The following PPP1R21 variants were observed in gnomAD, a reference collection of about 807,000 sequenced individuals.
PPP1R21 encodes the protein protein phosphatase 1 regulatory subunit 21.
PPP1R21 carries 85 observed loss-of-function variants against 112.8 expected under a neutral mutation model. The observed-to-expected ratio is 0.75, with a 90% CI of 0.63 to 0.90. The LOEUF is 0.90. Among genes scored for constraint, PPP1R21 ranks in the 40% least tolerant of loss-of-function variants. The pLI, the probability that PPP1R21 is intolerant of heterozygous loss-of-function variation, is 0.00. For missense variants in PPP1R21, 1,199 were observed against 901.5 expected, an observed-to-expected ratio of 1.33 and a Z score of -4.23; for synonymous variants, 381 against 322.3, an observed-to-expected ratio of 1.18 and a Z score of -1.95.
intron 9 of PPP1R21, 59 bp downstream of exon 9, chr2:48,465,701 G>A: frequency 2.0e-6 from 3 of 1,505,644 alleles, no homozygotes; most frequent in Non-Finnish European, 2.7e-6. Context: ...GATATTGTTT[G>A]TTTTTAGACC....
intron 11 of PPP1R21, among the ~76,000 whole-genome samples, chr2:48,472,808 G>A (rs185149699): frequency 1.7e-4 from 26 of 151,748 alleles, no homozygotes; most frequent in Admixed American, 1.4e-3. Flanking sequence ...AAAACTAGCT[G>A]GAGGTGGTGG....
At chr2:48,506,441 C>G (rs1572898371) in intron 18 of PPP1R21, among the ~76,000 whole-genome samples, 1 of 152,168 alleles carries the variant, frequency 6.6e-6, no homozygotes, top group African/African-American at 2.4e-5. Context: ...AGTCATCCAA[C>G]TTACCACTCA....
chr2:48,465,070 C>T, intron 8 of PPP1R21, 81 bp downstream of exon 8: 1 of 1,148,480 alleles, frequency 8.7e-7, no homozygotes. Flanking sequence ...TGTGTTTGGA[C>T]CTCTGTTTAG....
intron 2 of PPP1R21, among the ~76,000 whole-genome samples, chr2:48,454,292 C>T (rs968976740): frequency 2.1e-5 from 3 of 141,992 alleles, no homozygotes; most frequent in Non-Finnish European, 3.2e-5. Flanking sequence ...ATAAATAAAT[C>T]AAATAAGTTT....
At chr2:48,503,314 A>G (rs1024354965) in intron 17 of PPP1R21, among the ~76,000 whole-genome samples, 5 of 152,356 alleles carry the variant, frequency 3.3e-5, no homozygotes, top group South Asian at 2.1e-4. Context: ...ATCTTTTAGC[A>G]TAATGTTAAA....
intron 19 of PPP1R21, among the ~76,000 whole-genome samples, chr2:48,507,992 T>C (rs1670468091): frequency 6.6e-6 from 1 of 151,596 alleles, no homozygotes; most frequent in Admixed American, 6.6e-5. Flanking sequence ...CTTGAACTCC[T>C]GACCTCAGGT....
chr2:48,500,570 A>G (rs1471107257), intron 17 of PPP1R21, among the ~76,000 whole-genome samples: 3 of 152,194 alleles, frequency 2.0e-5, no homozygotes, highest in Admixed American at 6.5e-5. Context: ...AAACCTAAAA[A>G]CAACAACAAC....
chr2:48,472,552 G>C (rs930551872), intron 11 of PPP1R21, among the ~76,000 whole-genome samples: 2 of 152,062 alleles, frequency 1.3e-5, no homozygotes, highest in Admixed American at 1.3e-4. Context: ...CTTGAACCTG[G>C]GAGGCGGAGG....
chr2:48,507,092 T>A, intron 18 of PPP1R21, 177 bp from the exon 19 acceptor site: 2 of 826,704 alleles, frequency 2.4e-6, no homozygotes, highest in Non-Finnish European at 3.3e-6. Context: ...TAAAAGAAAT[T>A]TGGAATATAC....
intron 21 of PPP1R21, among the ~76,000 whole-genome samples, chr2:48,513,970 A>T (rs2103686323): frequency 6.6e-6 from 1 of 152,262 alleles, no homozygotes; most frequent in Middle Eastern, 3.4e-3. Context: ...CTTTTGACAG[A>T]TAATCAGTGC....
chr2:48,480,375 G>A (rs895056268), intron 13 of PPP1R21, among the ~76,000 whole-genome samples: 8 of 152,104 alleles, frequency 5.3e-5, no homozygotes, highest in Non-Finnish European at 1.0e-4. Flanking sequence ...CAAAGGAATT[G>A]AGGAAACCAA....
intron 15 of PPP1R21, among the ~76,000 whole-genome samples, chr2:48,493,851 T>C (rs182284925): frequency 1.3e-5 from 2 of 152,038 alleles, no homozygotes; most frequent in African/African-American, 4.8e-5. Context: ...CAAGTCCTTA[T>C]GGTTTTAGTT....
At chr2:48,484,069 T>C (rs148743918) in intron 13 of PPP1R21, among the ~76,000 whole-genome samples, 28 of 152,328 alleles carry the variant, frequency 1.8e-4, no homozygotes, top group African/African-American at 6.3e-4. Flanking sequence ...ACAAAAATCA[T>C]AGGCTGTGAC....
intron 16 of PPP1R21, among the ~76,000 whole-genome samples, chr2:48,496,178 G>T (rs1190933131): frequency 6.6e-6 from 1 of 152,108 alleles, no homozygotes; most frequent in Non-Finnish European, 1.5e-5. Flanking sequence ...TAGGGAGTGG[G>T]TGGGAGTGGG....
chr2:48,440,935 G>C lies in PPP1R21; in HGVS notation c.-19G>C, dbSNP rs765214550. On this transcript the variant is annotated 5_prime_UTR_variant, in exon 1 of 22. Transcript: ENST00000294952. ...CTGAGCCGCCTGGGCGGCCTGGCCT[G>C]TACGGGGCGGGGGAGGCCATGGCCT... 2 of 1,353,302 alleles carry C rather than the reference G, an allele frequency of 1.5e-6. No individual in the cohort carries two copies. The highest frequency in any genetic ancestry group is 2.1e-6 in the Non-Finnish European group (2 of 972,958). The allele number at this position is 1,353,302 out of a possible 1,614,324, so 83.8% of individuals were successfully genotyped here.
chr2:48,464,764 CT>C (rs1668125859), intron 7 of PPP1R21, among the ~76,000 whole-genome samples, 172 bp from the exon 8 acceptor site: 1 of 152,006 alleles, frequency 6.6e-6, no homozygotes, highest in Non-Finnish European at 1.5e-5. Context: ...GGAAGTATTA[CT>C]TTATCTGAGA....
chr2:48,498,493 G>A lies in PPP1R21; in HGVS notation c.1693G>A (p.Val565Ile), dbSNP rs369405808. 10 of 1,613,844 alleles carry A rather than the reference G, an allele frequency of 6.2e-6. No individual in the cohort carries two copies. The highest frequency in any genetic ancestry group is 1.6e-4 in the Middle Eastern group (1 of 6,076). Residue 565 changes from valine to isoleucine, a missense_variant and splice_region_variant, in exon 17 of 22, where the codon GTT becomes ATT. Physicochemically the swap from Val to Ile is conservative, Grantham distance 29 (BLOSUM62 3). Transcript: ENST00000294952. ...TESREGLAQQVQQSLEKISKL... is the reference protein window; with the variant it reads ...TESREGLAQQIQQSLEKISKL... ...ATACAACACTCTGTTACTTTTCAAG[G>A]TTCAACAGAGTTTGGAAAAGATTTC...
chr2:48,507,369 T>C lies in PPP1R21; in HGVS notation c.2069T>C (p.Val690Ala). ...TTGCAGCTGGCTGACAGTAAGTCAG[T>C]GCATTTTTATGCCGAGGTGAGTGTA... The part of the protein sequence containing the change: ...SQLQLADSKS[V>A]HFYAECRALS... Residue 690 changes from valine to alanine, a missense_variant, in exon 19 of 22, where the codon GTG becomes GCG. By Grantham distance (64) the Val-to-Ala change is moderately conservative. Coordinates refer to ENST00000294952, the MANE Select transcript of PPP1R21 (RefSeq NM_001135629.3). 6.2e-7 allele frequency: 1 copy of C among 1,601,140 alleles called. No individual in the cohort carries two copies. The highest frequency in any genetic ancestry group is 8.5e-7 in the Non-Finnish European group (1 of 1,176,172).
Position 48,511,413 on chromosome 2 carries a change from A to G in PPP1R21, c.2258A>G (p.Asn753Ser), listed in dbSNP as rs1285357037. ...SMMSDHLCSM[N>S]ETLSKQREEI... ...ATGAGTGACCACCTGTGCAGCATGA[A>G]TGAGACATTATCTAAACAGAGAGAA... is the stretch of plus-strand genomic sequence containing the variant. The change falls in exon 21 of 22, where the codon AAT (asparagine) becomes AGT (serine). Residue 753 changes from asparagine (N) to serine (S), a missense_variant. By Grantham distance (46) the Asn-to-Ser change is conservative (BLOSUM62 1). Coordinates refer to ENST00000294952, the MANE Select transcript of PPP1R21 (RefSeq NM_001135629.3). 2 of 1,614,022 alleles carry G rather than the reference A, an allele frequency of 1.2e-6. No individual in the cohort carries two copies. The highest frequency in any genetic ancestry group is 2.7e-5 in the African/African-American group (2 of 74,930).
Sources: allele counts gnomAD v4.1 joint callset (sites outside exome capture counted in the v4.1 genomes callset), GRCh38; gene constraint gnomAD v4.1.1; transcripts MANE v1.5; gene names NCBI Gene and HGNC (gene_info 2026-07-23, HGNC 2026-07-21).